Variants in HECTD4 observed in about 807,000 individuals in gnomAD.
The protein encoded by HECTD4 is HECT domain E3 ubiquitin protein ligase 4.
HECTD4 carries 114 observed loss-of-function variants against 471.5 expected under a neutral mutation model. The observed-to-expected ratio is 0.24, with a 90% CI of 0.21 to 0.28. HECTD4 has a LOEUF of 0.28. HECTD4 is among the 10% of genes least tolerant of loss of function. HECTD4 has a pLI of 1.00. For missense variants in HECTD4, 3,866 were observed against 5,651.5 expected (o/e 0.68, Z 10.13); for synonymous variants, 2,012 against 2,256.0 (o/e 0.89, Z 3.07).
intron 45 of HECTD4, among the ~76,000 whole-genome samples, chr12:112,217,719 C>T (rs948271897): frequency 6.6e-6 from 1 of 152,162 alleles, no homozygotes; most frequent in East Asian, 1.9e-4. Context: ...CCCTTTAAGA[C>T]ACTATTTATC....
At position 112,382,279 on chromosome 12, in the gene HECTD4, C is replaced by T; in HGVS notation, c.-151G>A. On this transcript the variant is annotated 5_prime_UTR_variant, in exon 1 of 76. Transcript: ENST00000682272. ...CTCGCCCGTGCAACTCCGCCCTAGG[C>T]GGTCCGAGTCGCCATACCCCCGACC... 1.6e-6 allele frequency: 1 copy of T among 640,586 alleles called. No homozygotes were observed. The allele number at this position is 640,586 out of a possible 1,614,324, so 39.7% of individuals were successfully genotyped here. A position where few individuals can be genotyped will look rare whatever the true frequency, so the allele number is the denominator to read the frequency against.
chr12:112,368,465 C>T (rs993665400), intron 1 of HECTD4, among the ~76,000 whole-genome samples: 2 of 152,062 alleles, frequency 1.3e-5, no homozygotes, highest in African/African-American at 4.8e-5. Context: ...ATTTCGCTTC[C>T]TATAAATTGA....
At chr12:112,254,593 G>A (rs1038692715) in intron 21 of HECTD4, among the ~76,000 whole-genome samples, 1 of 151,590 alleles carries the variant, frequency 6.6e-6, no homozygotes, top group Non-Finnish European at 1.5e-5. Context: ...ATGGAAATAT[G>A]GTTATATCTA....
chr12:112,345,495 T>C (rs999514749), intron 1 of HECTD4, among the ~76,000 whole-genome samples: 1 of 152,164 alleles, frequency 6.6e-6, no homozygotes, highest in East Asian at 1.9e-4. Flanking sequence ...AAATTAACTA[T>C]ATATTAATTA....
chr12:112,248,486 T>C lies in HECTD4; in HGVS notation c.3977A>G (p.Glu1326Gly). 2.5e-6 allele frequency: 4 copies of C among 1,607,714 alleles called. No individual in the cohort carries two copies. Among genetic ancestry groups the C allele is most frequent in the Non-Finnish European group, 3.4e-6 (4 of 1,177,384 alleles). ...AATAACACAAGATACCACCATTTCC[T>C]CCATCACGTCTGGCTGAATCACTTC... Reference protein sequence around the residue: ...IKEVIQPDVMEEMVVSCVIKH... With the variant: ...IKEVIQPDVMGEMVVSCVIKH... Residue 1326 changes from glutamate (E) to glycine (G), a missense_variant, in exon 26 of 76, where the codon GAG (glutamate) becomes GGG (glycine). Glu to Gly is a moderately conservative substitution (Grantham distance 98). Coordinates refer to ENST00000682272, the MANE Select transcript of HECTD4 (RefSeq NM_001388303.1).
At chr12:112,279,672 A>G (rs1375653570) in intron 8 of HECTD4, among the ~76,000 whole-genome samples, 2 of 152,232 alleles carry the variant, frequency 1.3e-5, no homozygotes, top group African/African-American at 2.4e-5. Context: ...TTATTCCAAA[A>G]AAATAAATCC....
intron 1 of HECTD4, among the ~76,000 whole-genome samples, chr12:112,342,909 C>A (rs2036077953): frequency 6.6e-6 from 1 of 152,076 alleles, no homozygotes; most frequent in African/African-American, 2.4e-5. Context: ...AAATCACAAC[C>A]AAAAAATTTT....
rs2036897044 is a variant in HECTD4 at position 112,381,776 on chromosome 12, C to A, written c.177+176G>T. On this transcript the variant is annotated intron_variant, in intron 1 of 75. Coordinates refer to ENST00000682272, the MANE Select transcript of HECTD4 (RefSeq NM_001388303.1). The surrounding 1 kb of genome is among the most constrained non-coding windows in gnomAD (Gnocchi z 4.1). Reference sequence around the variant, plus strand: ...GAGGAGGGAGGGAGGGAGAGCGGGGCGGGCGGTCCGCAGACCTGCGGCCGC... The same window carrying A: ...GAGGAGGGAGGGAGGGAGAGCGGGGAGGGCGGTCCGCAGACCTGCGGCCGC... 6.6e-6 allele frequency among the ~76,000 whole-genome samples: 1 copy of A among 151,816 alleles called. No homozygotes were observed. Among genetic ancestry groups the A allele is most frequent in the Non-Finnish European group, 1.5e-5 (1 of 67,904 alleles).
intron 7 of HECTD4, among the ~76,000 whole-genome samples, chr12:112,295,367 A>AT (rs397971787): frequency 0.073 from 10,513 of 143,866 alleles, 846 homozygotes; most frequent in African/African-American, 0.2. Context: ...TGGTAAGGTG[A>AT]TTTTTTTTTT....
At chr12:112,219,310 C>T (rs2033022433) in intron 45 of HECTD4, 76 bp downstream of exon 45, 1 of 1,055,670 alleles carries the variant, frequency 9.5e-7, no homozygotes, top group African/African-American at 1.6e-5. Context: ...TTCTAAATGT[C>T]CTTAACTTGC....
chr12:112,167,259 C>A, intron 72 of HECTD4, 58 bp downstream of exon 72: 1 of 1,485,006 alleles, frequency 6.7e-7, no homozygotes, highest in Admixed American at 1.9e-5. Context: ...GAGGCCTAAG[C>A]AAGGTGGCGG....
intron 11 of HECTD4, among the ~76,000 whole-genome samples, chr12:112,272,135 G>A (rs2034427054): frequency 6.6e-6 from 1 of 152,050 alleles, no homozygotes. Flanking sequence ...TGCAACCTCA[G>A]CCTCCCAGTT....
At chr12:112,327,884 T>C (rs902769665) in intron 1 of HECTD4, among the ~76,000 whole-genome samples, 4 of 152,134 alleles carry the variant, frequency 2.6e-5, no homozygotes, top group Non-Finnish European at 5.9e-5. Flanking sequence ...CCTGCAGATA[T>C]TGGGAACTAT....
intron 1 of HECTD4, among the ~76,000 whole-genome samples, chr12:112,375,840 G>A (rs1308455226): frequency 1.3e-5 from 2 of 151,676 alleles, no homozygotes; most frequent in African/African-American, 2.4e-5. Flanking sequence ...AGGTAGAGGC[G>A]GCTGGATCAC....
chr12:112,268,189 TAA>T (rs1222163169), intron 13 of HECTD4, among the ~76,000 whole-genome samples: 1 of 152,182 alleles, frequency 6.6e-6, no homozygotes, highest in Non-Finnish European at 1.5e-5. Context: ...TACAATCTGA[TAA>T]GTCTGACATA....
chr12:112,274,872 C>A lies in HECTD4; in HGVS notation c.1776G>T (p.Gly592=), dbSNP rs1197398554. 2 of 1,548,744 alleles carry A rather than the reference C, an allele frequency of 1.3e-6. No homozygotes were observed. The highest frequency in any genetic ancestry group is 2.0e-5 in the Admixed American group (1 of 50,988). ...CCAATCCTGGTACGAGAGCACCACG[C>A]CCCAGTGAGCTTCCAGCAGCATCTA... ...DLIDAAGSSL[G]RGALVPGLGA... Residue 592 remains glycine, a synonymous_variant, in exon 10 of 76, where the codon GGG becomes GGT. Transcript: ENST00000682272.
At position 112,319,158 on chromosome 12, in the gene HECTD4, C is replaced by G; in HGVS notation, c.695+67G>C. 6.8e-7 allele frequency: 1 copy of G among 1,465,270 alleles called. No homozygotes were observed. The highest frequency in any genetic ancestry group is 1.4e-5 in the African/African-American group (1 of 71,100). The allele number at this position is 1,465,270 out of a possible 1,614,324, so 90.8% of individuals were successfully genotyped here. A position where few individuals can be genotyped will look rare whatever the true frequency, so the allele number is the denominator to read the frequency against. ...TTCTATCAAATATACTTGGCCTCTT[C>G]TTCATTCACCCAACCCAGGTGGCAG... is the stretch of plus-strand genomic sequence containing the variant. On this transcript the variant is annotated intron_variant, in intron 2 of 75. Transcript: ENST00000682272. The surrounding 1 kb of genome is among the most constrained non-coding windows in gnomAD (Gnocchi z 5.3).
At chr12:112,204,948 C>T (rs1249244328) in intron 52 of HECTD4, among the ~76,000 whole-genome samples, 1 of 151,816 alleles carries the variant, frequency 6.6e-6, no homozygotes, top group Non-Finnish European at 1.5e-5. Flanking sequence ...GCCTGACCAA[C>T]ATGGTGAAAC....
Position 112,164,242 on chromosome 12 carries a change from C to A in HECTD4, c.12568G>T (p.Ala4190Ser), listed in dbSNP as rs370063916. The A allele has an allele frequency of 1.2e-6, 2 of 1,613,612 alleles. No individual in the cohort carries two copies. Among genetic ancestry groups the A allele is most frequent in the Non-Finnish European group, 1.7e-6 (2 of 1,179,746 alleles). Residue 4190 changes from alanine (A) to serine (S), a missense_variant, in exon 73 of 76, where the codon GCT (alanine) becomes TCT (serine). By Grantham distance (99) the Ala-to-Ser change is moderately conservative. Transcript: ENST00000682272. Reference protein sequence around the residue: ...NDETELEALCAEIASQHLATE... With the variant: ...NDETELEALCSEIASQHLATE... ...GCCAGGTGCTGGGAGGCGATCTCAG[C>A]GCACAGGGCCTCCAGCTCGGTCTCA...
Sources: gnomAD v4.1 joint callset for allele counts (sites outside exome capture counted in the v4.1 genomes callset) on GRCh38, gnomAD v4.1.1 for gene constraint, Gnocchi (gnomAD v3.1) non-coding constraint, MANE v1.5 for transcripts, NCBI Gene and HGNC (gene_info 2026-07-23, HGNC 2026-07-21) for gene names.